Variants in ANK3 observed in about 807,000 individuals in gnomAD.
ANK3 encodes the protein ankyrin-3.
A neutral mutation model predicts 370.9 loss-of-function variants in ANK3; 57 were observed. The observed-to-expected ratio is 0.15, with a 90% confidence interval of 0.12 to 0.19. The LOEUF (loss-of-function observed/expected upper bound fraction) is 0.19. Among genes scored for constraint, ANK3 ranks in the 10% least tolerant of loss-of-function variants. ANK3 has a pLI of 1.00. For missense variants in ANK3, 4,439 were observed against 5,302.1 expected, an observed-to-expected ratio of 0.84 and a Z score of 5.06; for synonymous variants, 1,929 against 1,946.3, an observed-to-expected ratio of 0.99 and a Z score of 0.23.
intron 2 of ANK3, among the ~76,000 whole-genome samples, chr10:60,611,545 C>G (rs1309100663): frequency 6.6e-6 from 1 of 152,066 alleles, no homozygotes; most frequent in Non-Finnish European, 1.5e-5. Context: ...AACCCATACC[C>G]TTACACTGGG....
intron 23 of ANK3, among the ~76,000 whole-genome samples, chr10:60,143,693 C>T (rs1411416454): frequency 6.6e-6 from 1 of 152,154 alleles, no homozygotes; most frequent in Non-Finnish European, 1.5e-5. Context: ...ACTATGTTTC[C>T]TTCTATTCAT....
intron 2 of ANK3, among the ~76,000 whole-genome samples, chr10:60,421,176 AGAG>A (rs777337901): frequency 1.2e-4 from 19 of 152,096 alleles, no homozygotes; most frequent in Admixed American, 2.0e-4. Context: ...TCCGGAGCGA[AGAG>A]GAGAATTGGC....
chr10:60,525,764 CCCA>C (rs376479465), intron 2 of ANK3, among the ~76,000 whole-genome samples: 6 of 152,216 alleles, frequency 3.9e-5, no homozygotes, highest in African/African-American at 1.4e-4. Flanking sequence ...GAATAGAATG[CCCA>C]CATTATTCGT....
intron 7 of ANK3, among the ~76,000 whole-genome samples, chr10:60,246,085 A>G (rs1276718710): frequency 6.6e-6 from 1 of 151,806 alleles, no homozygotes; most frequent in African/African-American, 2.4e-5. Flanking sequence ...GAGAAACCCT[A>G]TCTCTACTAA....
intron 25 of ANK3, among the ~76,000 whole-genome samples, chr10:60,127,568 G>A (rs2093826657): frequency 1.3e-5 from 2 of 152,126 alleles, no homozygotes; most frequent in African/African-American, 4.8e-5. Flanking sequence ...TTTAAAGGAA[G>A]ATAAACTAAT....
chr10:60,336,389 C>G (rs1350284572), intron 1 of ANK3, among the ~76,000 whole-genome samples: 2 of 152,166 alleles, frequency 1.3e-5, no homozygotes, highest in Non-Finnish European at 2.9e-5. Flanking sequence ...ATCATAGCAA[C>G]TGATAGCTCA....
At chr10:60,351,441 T>G (rs2056851002) in intron 1 of ANK3, among the ~76,000 whole-genome samples, 1 of 152,194 alleles carries the variant, frequency 6.6e-6, no homozygotes, top group South Asian at 2.1e-4. Context: ...AGACTTGCTT[T>G]GACATAGAAC....
At chr10:60,545,499 C>T (rs1293745453) in intron 2 of ANK3, among the ~76,000 whole-genome samples, 2 of 150,732 alleles carry the variant, frequency 1.3e-5, no homozygotes, top group African/African-American at 2.4e-5. Flanking sequence ...TTTGTGCTAG[C>T]AAGTATTATA....
At chr10:60,435,507 T>A (rs1217966741) in intron 2 of ANK3, among the ~76,000 whole-genome samples, 1 of 152,188 alleles carries the variant, frequency 6.6e-6, no homozygotes, top group African/African-American at 2.4e-5. Flanking sequence ...TTAAGATGAA[T>A]TTTCATTTTA....
rs918717712 is a variant in ANK3, at chr10:60,029,615, A to G, written c.*231T>C. 1.3e-5 allele frequency: 2 copies of G among 152,638 alleles called. No homozygotes were observed. The highest frequency in any genetic ancestry group is 2.4e-5 in the African/African-American group (1 of 41,454). 9.5% of individuals were successfully genotyped at this position (152,638 alleles called of 1,614,324 possible). ...TGCATTGCTAATTGCACACGCGCCA[A>G]TCCGGAAATGAAAGTGATTTCCATG... On this transcript the variant is annotated 3_prime_UTR_variant, in exon 44 of 44. Transcript: ENST00000280772.
At chr10:60,406,972 T>C (rs2063468710) in intron 2 of ANK3, among the ~76,000 whole-genome samples, 1 of 152,234 alleles carries the variant, frequency 6.6e-6, no homozygotes, top group African/African-American at 2.4e-5. Context: ...TCAGCCATAA[T>C]AGATCTTTTG....
At chr10:60,399,065 G>A (rs562401342) in intron 2 of ANK3, among the ~76,000 whole-genome samples, 5 of 152,144 alleles carry the variant, frequency 3.3e-5, no homozygotes, top group East Asian at 3.9e-4. Context: ...ATGGGGTATC[G>A]CCTATGTATG....
chr10:60,103,781 C>G (rs1358564748), intron 28 of ANK3, among the ~76,000 whole-genome samples: 21 of 152,080 alleles, frequency 1.4e-4, no homozygotes, highest in Admixed American at 1.4e-3. Context: ...AAAATGGAAC[C>G]AAAGTTTATC....
intron 39 of ANK3, 88 bp downstream of exon 39, chr10:60,064,069 C>T (rs1405491121): frequency 2.4e-6 from 3 of 1,246,530 alleles, no homozygotes; most frequent in Non-Finnish European, 3.2e-6. Flanking sequence ...AAAATTACAA[C>T]ACTACTTGGA....
chr10:60,305,373 T>C (rs10821714), intron 1 of ANK3, among the ~76,000 whole-genome samples: 114,282 of 151,600 alleles, frequency 0.75, 43,169 homozygotes, highest in South Asian at 0.92. Flanking sequence ...GAAAATAAGA[T>C]GTCTGGCTCT....
At chr10:60,606,604 G>A (rs1157501840) in intron 2 of ANK3, among the ~76,000 whole-genome samples, 1 of 152,232 alleles carries the variant, frequency 6.6e-6, no homozygotes, top group South Asian at 2.1e-4. Flanking sequence ...GTAAGCCTTT[G>A]TTTGGCCACA....
At chr10:60,427,178 AC>A (rs1409757701) in intron 2 of ANK3, among the ~76,000 whole-genome samples, 1 of 152,204 alleles carries the variant, frequency 6.6e-6, no homozygotes, top group African/African-American at 2.4e-5. Flanking sequence ...AATTAATTCA[AC>A]AAAATGCTAC....
chr10:60,378,074 C>A (rs1042291355), intron 1 of ANK3, among the ~76,000 whole-genome samples: 8 of 152,076 alleles, frequency 5.3e-5, no homozygotes, highest in African/African-American at 1.7e-4. Context: ...ACTTTTTATT[C>A]ATTGCTTCTA....
intron 5 of ANK3, among the ~76,000 whole-genome samples, chr10:60,264,647 GAA>G (rs60388251): frequency 7.5e-5 from 11 of 147,330 alleles, no homozygotes; most frequent in Admixed American, 2.7e-4. Context: ...AAAAAAAAAA[GAA>G]AAAAAAAAAT....
Sources: allele counts gnomAD v4.1 joint callset (sites outside exome capture counted in the v4.1 genomes callset), GRCh38; gene constraint gnomAD v4.1.1; transcripts MANE v1.5; gene names NCBI Gene and HGNC (gene_info 2026-07-23, HGNC 2026-07-21).